Variants in VEPH1 observed in about 807,000 individuals in gnomAD.
VEPH1 encodes the protein ventricular zone expressed PH domain containing 1.
A neutral mutation model predicts 85.2 loss-of-function variants in VEPH1; 80 were observed. The observed-to-expected ratio is 0.94, with a 90% CI of 0.78 to 1.13. VEPH1 has a LOEUF of 1.13. Among genes scored for constraint, VEPH1 ranks in the 50% most tolerant of loss-of-function variants. The probability of loss-of-function intolerance (pLI) is 0.00; values close to 1 mark genes in which losing one functional copy is unlikely to be tolerated. For missense variants in VEPH1, 955 were observed against 980.5 expected (o/e 0.97, Z 0.35); for synonymous variants, 297 against 348.0 (o/e 0.85, Z 1.63).
intron 11 of VEPH1, among the ~76,000 whole-genome samples, chr3:157,297,198 T>C (rs1008333658): frequency 2.0e-5 from 3 of 152,226 alleles, no homozygotes; most frequent in Admixed American, 6.5e-5. Context: ...CTCAGCTAGA[T>C]AAATGTATGT....
At chr3:157,375,795 T>G (rs1376470593) in intron 7 of VEPH1, among the ~76,000 whole-genome samples, 3 of 152,178 alleles carry the variant, frequency 2.0e-5, no homozygotes, top group Admixed American at 2.0e-4. Context: ...CCCTTTCTGT[T>G]TTCAGGCCTG....
At chr3:157,455,672 C>T (rs958087657) in intron 4 of VEPH1, among the ~76,000 whole-genome samples, 23 of 152,078 alleles carry the variant, frequency 1.5e-4, no homozygotes, top group Middle Eastern at 3.2e-3. Flanking sequence ...TGACAACATG[C>T]GGTATTTGGT....
intron 2 of VEPH1, among the ~76,000 whole-genome samples, chr3:157,472,157 A>G (rs1737024093): frequency 6.6e-6 from 1 of 152,192 alleles, no homozygotes; most frequent in Non-Finnish European, 1.5e-5. Context: ...GATTCCTGTA[A>G]CAGATTTTTG....
chr3:157,369,193 A>AAAAAAAAAAAACAAAAAAAAAAAC (rs1553773126), intron 7 of VEPH1, among the ~76,000 whole-genome samples: 1 of 140,572 alleles, frequency 7.1e-6, no homozygotes, highest in Non-Finnish European at 1.6e-5. Flanking sequence ...AAAAAAAAAA[A>AAAAAAAAAAAACAAAAAAAAAAAC]AAAAAAAAAA....
intron 6 of VEPH1, among the ~76,000 whole-genome samples, chr3:157,389,839 C>A (rs771273496): frequency 1.2e-4 from 19 of 152,118 alleles, no homozygotes; most frequent in Non-Finnish European, 2.5e-4. Flanking sequence ...GCAAGATCAG[C>A]TTTACTGAGG....
chr3:157,451,218 TA>T (rs1234742395), intron 4 of VEPH1, among the ~76,000 whole-genome samples: 4 of 152,234 alleles, frequency 2.6e-5, no homozygotes, highest in African/African-American at 9.6e-5. Flanking sequence ...GTATGTTTTT[TA>T]ATTTTTTTGT....
chr3:157,420,681 G>T (rs1013416178), intron 5 of VEPH1, among the ~76,000 whole-genome samples: 1 of 152,030 alleles, frequency 6.6e-6, no homozygotes, highest in South Asian at 2.1e-4. Context: ...TCTTGGCCTC[G>T]ATTAGGTGTG....
chr3:157,303,423 T>A (rs12486155), intron 11 of VEPH1, among the ~76,000 whole-genome samples: 64,585 of 152,090 alleles, frequency 0.42, 15,362 homozygotes, highest in Admixed American at 0.59. Flanking sequence ...GCAAAAAATA[T>A]TTTTGACTGA....
At chr3:157,341,688 C>T (rs1723577650) in intron 9 of VEPH1, among the ~76,000 whole-genome samples, 1 of 152,164 alleles carries the variant, frequency 6.6e-6, no homozygotes, top group Non-Finnish European at 1.5e-5. Context: ...GACAAAGATA[C>T]TCCTCGAGAA....
intron 4 of VEPH1, among the ~76,000 whole-genome samples, chr3:157,450,370 G>C (rs1347061044): frequency 2.0e-5 from 3 of 151,834 alleles, no homozygotes; most frequent in Non-Finnish European, 4.4e-5. Flanking sequence ...ATATTTAAAT[G>C]TTCTATTGTA....
chr3:157,261,233 G>A lies in VEPH1; in HGVS notation c.2403C>T (p.Ala801=). 1 of 1,613,700 alleles carries A rather than the reference G, an allele frequency of 6.2e-7. No homozygotes were observed. The highest frequency in any genetic ancestry group is 8.5e-7 in the Non-Finnish European group (1 of 1,179,788). The change falls in exon 14 of 14, where the codon GCC becomes GCT. Residue 801 remains alanine (A), a synonymous_variant. Transcript: ENST00000362010. Reference sequence around the variant, plus strand: ...ATTCTTCTGCATTCTTCTCATCCTTGGCCTTAAAGACATAGGTTTTATTGT... The same window carrying A: ...ATTCTTCTGCATTCTTCTCATCCTTAGCCTTAAAGACATAGGTTTTATTGT... ...FTDNKTYVFK[A]KDEKNAEEWL...
At chr3:157,277,694 A>G (rs890555528) in intron 12 of VEPH1, among the ~76,000 whole-genome samples, 1 of 152,230 alleles carries the variant, frequency 6.6e-6, no homozygotes, top group Non-Finnish European at 1.5e-5. Context: ...ACACACATGT[A>G]TATACACATA....
intron 4 of VEPH1, among the ~76,000 whole-genome samples, chr3:157,431,437 C>T (rs997078818): frequency 7.9e-5 from 12 of 152,170 alleles, no homozygotes; most frequent in Admixed American, 5.9e-4. Context: ...TCTCTGATCC[C>T]TGTTCCTTCA....
chr3:157,449,117 A>C (rs779302925), intron 4 of VEPH1, among the ~76,000 whole-genome samples: 4 of 152,198 alleles, frequency 2.6e-5, no homozygotes, highest in Non-Finnish European at 4.4e-5. Flanking sequence ...GCCCAGTCTC[A>C]GGTACATCTT....
intron 2 of VEPH1, among the ~76,000 whole-genome samples, chr3:157,479,238 A>G (rs377755468): frequency 2.5e-4 from 38 of 152,268 alleles, no homozygotes; most frequent in African/African-American, 8.7e-4. Flanking sequence ...TAAGGACCAA[A>G]TCTATTTAAT....
chr3:157,313,811 T>C (rs1577317172), intron 10 of VEPH1, 56 bp from the exon 11 acceptor site: 3 of 1,587,620 alleles, frequency 1.9e-6, no homozygotes, highest in Non-Finnish European at 2.6e-6. Flanking sequence ...CCAATAGTAT[T>C]GTTTGATTGA....
At chr3:157,327,358 T>G (rs1559962122) in intron 9 of VEPH1, among the ~76,000 whole-genome samples, 1 of 152,186 alleles carries the variant, frequency 6.6e-6, no homozygotes, top group Admixed American at 6.5e-5. Flanking sequence ...CAGTTGGGAT[T>G]AACTTTAGGC....
At position 157,381,236 on chromosome 3, in the gene VEPH1, G is replaced by A. The variant is rs35554741; in HGVS notation, c.1047C>T (p.Ile349=). The change falls in exon 7 of 14, where the codon ATC becomes ATT. Residue 349 remains isoleucine (I), a synonymous_variant. Transcript: ENST00000362010. ...CGGTGAAGCTGTTGCTCATGCGGAA[G>A]ATGTCTCTGCTCTGAGGGCCCAAGA... ...SSILGPQSRD[I]FRMSNSFTAI... is the part of the protein sequence containing the mutation. 6.2e-7 allele frequency: 1 copy of A among 1,614,082 alleles called. No homozygotes were observed.
intron 2 of VEPH1, 123 bp from the exon 3 acceptor site, chr3:157,470,652 G>T: frequency 1.2e-6 from 1 of 837,504 alleles, no homozygotes; most frequent in Non-Finnish European, 1.9e-6. Flanking sequence ...GGGTGAGGGT[G>T]TAAAGCCTAA....
Sources: allele counts gnomAD v4.1 joint callset (sites outside exome capture counted in the v4.1 genomes callset), GRCh38; gene constraint gnomAD v4.1.1; transcripts MANE v1.5; gene names NCBI Gene and HGNC (gene_info 2026-07-23, HGNC 2026-07-21).